Variants in DNAH1 observed in about 807,000 individuals in gnomAD.
DNAH1 encodes axonemal beta dynein heavy chain 1.
In DNAH1, 327 loss-of-function variants were observed where a neutral mutation model predicts 484.3. The observed-to-expected ratio is 0.68, with a 90% CI of 0.62 to 0.74. The LOEUF (loss-of-function observed/expected upper bound fraction) is 0.74, where lower values mean the gene tolerates loss of function less well. DNAH1 is among the 30% of genes least tolerant of loss of function. The probability of loss-of-function intolerance (pLI) is 0.00; values close to 1 mark genes in which losing one functional copy is unlikely to be tolerated. For missense variants in DNAH1, 5,052 were observed against 5,546.8 expected, an observed-to-expected ratio of 0.91 and a Z score of 2.83; for synonymous variants, 2,192 against 2,191.9, an observed-to-expected ratio of 1.00 and a Z score of 0.00.
rs1703182400 is a variant in DNAH1, at chr3:52,368,639, A to G, written c.5766-102A>G. ...TAAAAGAACAAAGAGATTGAAGGAA[A>G]GTAGAGCCCGCCCACCCGGCGGCCA... On this transcript the variant is annotated intron_variant, in intron 36 of 77. Coordinates refer to ENST00000420323, the MANE Select transcript of DNAH1 (RefSeq NM_015512.5). The surrounding 1 kb of genome is among the most constrained non-coding windows in gnomAD (Gnocchi z 4.4). 6.3e-6 allele frequency: 8 copies of G among 1,269,488 alleles called. No homozygotes were observed. The highest frequency in any genetic ancestry group is 8.8e-6 in the Non-Finnish European group (8 of 911,586). 78.6% of individuals were successfully genotyped at this position (1,269,488 alleles called of 1,614,324 possible).
intron 44 of DNAH1, chr3:52,374,355 C>T (rs751798645): frequency 2.7e-6 from 4 of 1,480,370 alleles, no homozygotes; most frequent in Non-Finnish European, 3.8e-6. Context: ...CTACCACCCC[C>T]AGCTGGCATA....
intron 8 of DNAH1, among the ~76,000 whole-genome samples, chr3:52,337,665 A>G (rs1044469719): frequency 4.6e-5 from 7 of 152,278 alleles, no homozygotes; most frequent in Admixed American, 1.3e-4. Flanking sequence ...TAGTTCTTCT[A>G]TTTTAAAAAT....
chr3:52,346,344 G>A, intron 10 of DNAH1, 128 bp from the exon 11 acceptor site: 1 of 1,001,164 alleles, frequency 1.0e-6, no homozygotes, highest in African/African-American at 1.6e-5. Context: ...GTTGGGGTAG[G>A]GGACATCCCT....
chr3:52,352,212 T>C (rs2153224025), intron 17 of DNAH1, 109 bp downstream of exon 17: 2 of 1,423,864 alleles, frequency 1.4e-6, no homozygotes, highest in South Asian at 1.3e-5. Flanking sequence ...TGAGTCAACA[T>C]GTGATGGGCG....
intron 65 of DNAH1, 113 bp downstream of exon 65, chr3:52,393,138 C>G (rs1704470991): frequency 1.4e-6 from 2 of 1,442,996 alleles, no homozygotes; most frequent in Non-Finnish European, 1.9e-6. Context: ...ACACTCTCCT[C>G]TTAGACTCAC....
chr3:52,384,041 T>A lies in DNAH1; in HGVS notation c.8322+10T>A. The A allele has an allele frequency of 6.3e-7, 1 of 1,589,946 alleles. No homozygotes were observed. Among genetic ancestry groups the A allele is most frequent in the Non-Finnish European group, 8.6e-7 (1 of 1,166,376 alleles). ...AGAAATCCAAGGACTGGTGGGTGTC[T>A]TGCTGAAGCTCAGGCCCTTGGGGAG... On this transcript the variant is annotated intron_variant, in intron 52 of 77. Transcript: ENST00000420323.
chr3:52,389,506 A>G lies in DNAH1; in HGVS notation c.9541A>G (p.Arg3181Gly), dbSNP rs1578195441. Residue 3181 changes from arginine to glycine, a missense_variant, in exon 60 of 78, where the codon AGG becomes GGG. Physicochemically the swap from Arg to Gly is moderately radical, Grantham distance 125 (BLOSUM62 -2). This residue lies in a region of DNAH1 where 2,929 missense variants were observed against 3,409.4 expected (regional missense o/e 0.86). Coordinates refer to ENST00000420323, the MANE Select transcript of DNAH1 (RefSeq NM_015512.5). ...CTACGACAGCTGGGTCAAGCAGCTCAGGAGCCACAATGTCCCACACACCTC... is the reference window on the plus strand; with the variant it reads ...CTACGACAGCTGGGTCAAGCAGCTCGGGAGCCACAATGTCCCACACACCTC... ...VLYDSWVKQL[R>G]SHNVPHTSEP... 1 of 1,600,902 alleles carries G rather than the reference A, an allele frequency of 6.2e-7. No individual in the cohort carries two copies. The highest frequency in any genetic ancestry group is 8.5e-7 in the Non-Finnish European group (1 of 1,174,276).
rs1161551826 is a variant in DNAH1, at chr3:52,360,412, C to A, written c.4673C>A (p.Pro1558His). Reference protein sequence around the residue: ...LGNSGRLVITPLTDRCYLTLT... With the variant: ...LGNSGRLVITHLTDRCYLTLT... ...AACAGTGGGAGGCTGGTGATCACGC[C>A]CCTCACCGACAGGTAAGCGTTCCCC... is the stretch of plus-strand genomic sequence containing the variant. The change falls in exon 28 of 78, where the codon CCC becomes CAC. Residue 1558 changes from proline to histidine, a missense_variant. By Grantham distance (77) the Pro-to-His change is moderately conservative (BLOSUM62 -2). Around this residue, in one of 4 missense-constraint regions of DNAH1, gnomAD observed 2,929 missense variants for 3,409.4 expected, o/e 0.86. Transcript: ENST00000420323. The A allele has an allele frequency of 6.2e-7, 1 of 1,613,564 alleles. No individual in the cohort carries two copies. Among genetic ancestry groups the A allele is most frequent in the Admixed American group, 1.7e-5 (1 of 60,010 alleles).
upstream of DNAH1, among the ~76,000 whole-genome samples, chr3:52,313,376 C>T (rs1007857845): frequency 5.9e-5 from 9 of 152,138 alleles, no homozygotes; most frequent in African/African-American, 2.2e-4. Flanking sequence ...GTAGATGCCC[C>T]TCCTCCTCCT....
In DNAH1 at chr3:52,353,003, G is replaced by A; in HGVS notation, c.3028-100G>A. ...GCACGGTCAGGGACATCAGCCAGGA[G>A]CAAGGGAGAGGGAGAGGACCTGGCC... is the stretch of plus-strand genomic sequence containing the variant. On this transcript the variant is annotated intron_variant, in intron 18 of 77. Coordinates refer to ENST00000420323, the MANE Select transcript of DNAH1 (RefSeq NM_015512.5). The surrounding 1 kb of genome is among the most constrained non-coding windows in gnomAD (Gnocchi z 5.0). 3 of 1,240,210 alleles carry A rather than the reference G, an allele frequency of 2.4e-6. No individual in the cohort carries two copies. Among genetic ancestry groups the A allele is most frequent in the South Asian group, 1.5e-5 (1 of 66,152 alleles). The allele number at this position is 1,240,210 out of a possible 1,614,324, so 76.8% of individuals were successfully genotyped here. A position where few individuals can be genotyped will look rare whatever the true frequency, so the allele number is the denominator to read the frequency against.
intron 46 of DNAH1, among the ~76,000 whole-genome samples, chr3:52,378,199 C>T (rs1359293495): frequency 2.6e-5 from 4 of 152,098 alleles, no homozygotes; most frequent in Middle Eastern, 3.4e-3. Flanking sequence ...AGCCTCCCCA[C>T]GCCCACTCCG....
At chr3:52,311,906 C>A (rs890451523), upstream of DNAH1, among the ~76,000 whole-genome samples, 1 of 152,236 alleles carries the variant, frequency 6.6e-6, no homozygotes, top group Non-Finnish European at 1.5e-5. Context: ...GCAACCTCAG[C>A]CCCTCCATGG....
At chr3:52,389,114 C>T (rs993094256) in intron 59 of DNAH1, among the ~76,000 whole-genome samples, 177 bp downstream of exon 59, 6 of 152,230 alleles carry the variant, frequency 3.9e-5, no homozygotes, top group African/African-American at 1.4e-4. Flanking sequence ...ACTGGGGATA[C>T]AGCAGTGTAC....
chr3:52,360,482 G>A, intron 28 of DNAH1, 58 bp downstream of exon 28: 1 of 1,473,880 alleles, frequency 6.8e-7, no homozygotes, highest in Non-Finnish European at 9.4e-7. Context: ...GTTCTCTCTG[G>A]CCCAGGAATC....
Position 52,395,031 on chromosome 3 carries a change from A to G in DNAH1, c.10940A>G (p.Asn3647Ser). 2 of 1,610,510 alleles carry G rather than the reference A, an allele frequency of 1.2e-6. No homozygotes were observed. The highest frequency in any genetic ancestry group is 1.7e-6 in the Non-Finnish European group (2 of 1,178,440). Reference protein sequence around the residue: ...TNAMQDFVATNLEPRFIEPQT... With the variant: ...TNAMQDFVATSLEPRFIEPQT... Reference sequence around the variant, plus strand: ...GCCATGCAGGACTTTGTGGCCACCAACCTGGAGCCACGCTTCATTGAACCC... The same window carrying G: ...GCCATGCAGGACTTTGTGGCCACCAGCCTGGAGCCACGCTTCATTGAACCC... The change falls in exon 68 of 78, where the codon AAC becomes AGC. Residue 3647 changes from asparagine (N) to serine (S), a missense_variant. Physicochemically the swap from Asn to Ser is conservative, Grantham distance 46. Transcript: ENST00000420323. The surrounding 1 kb of genome is among the most constrained non-coding windows in gnomAD (Gnocchi z 4.4).
At chr3:52,398,792 A>G (rs1704757706) in intron 75 of DNAH1, 58 bp from the exon 76 acceptor site, 1 of 1,384,746 alleles carries the variant, frequency 7.2e-7, no homozygotes, top group African/African-American at 1.5e-5. Context: ...GCTGCGGAGC[A>G]TAGCTACTGC....
intron 8 of DNAH1, among the ~76,000 whole-genome samples, chr3:52,339,253 ACTTC>A (rs1378916281): frequency 6.8e-6 from 1 of 147,720 alleles, no homozygotes; most frequent in Non-Finnish European, 1.5e-5. Context: ...TCTTTCTTTT[ACTTC>A]CTTTATTTTC....
Position 52,400,471 on chromosome 3 carries a change from T to C in DNAH1, c.*25T>C. The C allele has an allele frequency of 6.2e-7, 1 of 1,613,732 alleles. No homozygotes were observed. The highest frequency in any genetic ancestry group is 8.5e-7 in the Non-Finnish European group (1 of 1,179,698). ...GACTCAGACAGAAGGGCTGGGGCCA[T>C]TAAAGCTGAATTTTCTAAGCAGTCC... On this transcript the variant is annotated 3_prime_UTR_variant, in exon 78 of 78. Coordinates refer to ENST00000420323, the MANE Select transcript of DNAH1 (RefSeq NM_015512.5).
chr3:52,385,142 AG>A (rs1188393776), intron 53 of DNAH1, among the ~76,000 whole-genome samples, 165 bp downstream of exon 53: 2 of 152,226 alleles, frequency 1.3e-5, no homozygotes, highest in African/African-American at 4.8e-5. Flanking sequence ...TTGCCAGTCA[AG>A]GGCCAGGCCA....
Sources: allele counts gnomAD v4.1 joint callset (sites outside exome capture counted in the v4.1 genomes callset), GRCh38; gene constraint gnomAD v4.1.1; regional missense constraint gnomAD v4.1.1; non-coding constraint Gnocchi (gnomAD v3.1); transcripts MANE v1.5; gene names NCBI Gene and HGNC (gene_info 2026-07-23, HGNC 2026-07-21).